Variants in C12orf42 observed in about 807,000 individuals in gnomAD.
C12orf42 encodes chromosome 12 open reading frame 42.
C12orf42 carries 25 observed loss-of-function variants against 21.6 expected under a neutral mutation model. The observed-to-expected ratio is 1.16, with a 90% CI of 0.84 to 1.62. The LOEUF (loss-of-function observed/expected upper bound fraction) is 1.62, where lower values mean the gene tolerates loss of function less well. C12orf42 is among the 40% of genes most tolerant of loss of function. The pLI is 0.00. For synonymous variants in C12orf42, 174 were observed against 175.0 expected, an observed-to-expected ratio of 0.99 and a Z score of 0.05; for missense variants, 483 against 459.3, an observed-to-expected ratio of 1.05 and a Z score of -0.47.
the C12orf42 span, among the ~76,000 whole-genome samples, chr12:103,214,558 GT>G: frequency 0.036 from 5,427 of 152,202 alleles, 113 homozygotes; most frequent in Admixed American, 0.053. Flanking sequence ...CCAACAAGCT[GT>G]GATTTTAAAA....
the C12orf42 span, among the ~76,000 whole-genome samples, chr12:103,090,019 G>C: frequency 6.6e-6 from 1 of 152,172 alleles, no homozygotes; most frequent in South Asian, 2.1e-4. Context: ...AGCCAGCAGG[G>C]CAGCTCCTGC....
intron 2 of C12orf42, among the ~76,000 whole-genome samples, chr12:103,458,197 G>A (rs1438519414): frequency 1.3e-5 from 2 of 152,114 alleles, no homozygotes; most frequent in African/African-American, 4.8e-5. Flanking sequence ...TATAGAATCT[G>A]CACTTTTTAA....
At chr12:103,260,873 T>C (rs2034864056) in intron 10 of C12orf42, among the ~76,000 whole-genome samples, 2 of 152,194 alleles carry the variant, frequency 1.3e-5, no homozygotes, top group Non-Finnish European at 2.9e-5. Flanking sequence ...TTCTAAACTC[T>C]GATTTAGGAT....
chr12:103,254,039 GAATT>G (rs1347616338), intron 10 of C12orf42, among the ~76,000 whole-genome samples: 1 of 152,166 alleles, frequency 6.6e-6, no homozygotes, highest in Non-Finnish European at 1.5e-5. Flanking sequence ...ATTTTGTCAT[GAATT>G]ATTTGCCCAT....
chr12:103,088,886 G>A, the C12orf42 span, among the ~76,000 whole-genome samples: 6 of 152,006 alleles, frequency 3.9e-5, no homozygotes, highest in Admixed American at 2.6e-4. Flanking sequence ...GCCAGATCAC[G>A]AGGTCAGGAG....
At chr12:103,195,457 T>C in the C12orf42 span, among the ~76,000 whole-genome samples, 3 of 152,126 alleles carry the variant, frequency 2.0e-5, no homozygotes, top group African/African-American at 7.2e-5. Flanking sequence ...CCAGCATCTG[T>C]TATTTTTTGA....
chr12:103,492,811 C>A (rs752698993), intron 1 of C12orf42, among the ~76,000 whole-genome samples: 3 of 152,098 alleles, frequency 2.0e-5, no homozygotes, highest in Admixed American at 1.3e-4. Flanking sequence ...AAAATTAACC[C>A]GTCGAATTAT....
At chr12:103,395,246 G>C (rs1455475790) in intron 3 of C12orf42, among the ~76,000 whole-genome samples, 1 of 152,016 alleles carries the variant, frequency 6.6e-6, no homozygotes, top group Non-Finnish European at 1.5e-5. Flanking sequence ...TAAAAAGAAT[G>C]ATGATCTCAA....
chr12:103,322,103 GC>G (rs960093483), intron 4 of C12orf42, among the ~76,000 whole-genome samples: 5 of 104,744 alleles, frequency 4.8e-5, no homozygotes, highest in African/African-American at 2.1e-4. Context: ...AGATGTGCAC[GC>G]GCGTGCGTGC....
the C12orf42 span, among the ~76,000 whole-genome samples, chr12:103,126,138 G>T: frequency 6.6e-6 from 1 of 152,202 alleles, no homozygotes; most frequent in East Asian, 1.9e-4. Flanking sequence ...GTCCCGGCTA[G>T]GGTGGCAGCA....
the C12orf42 span, among the ~76,000 whole-genome samples, chr12:103,543,980 A>G: frequency 6.8e-6 from 1 of 147,116 alleles, no homozygotes; most frequent in Non-Finnish European, 1.5e-5. Context: ...TGCAAGTTCC[A>G]CCTCCCGGGT....
Position 103,393,560 on chromosome 12 carries a change from C to A in C12orf42, c.147+8047G>T, listed in dbSNP as rs548533790. Among the ~76,000 whole-genome samples, 52 of 152,246 alleles carry A rather than the reference C, an allele frequency of 3.4e-4. 2 individuals are homozygous for A. In the South Asian group the frequency reaches 0.01, roughly 30 times the overall value. Reference sequence around the variant, plus strand: ...GCTCTTATATGACAAATATCAACAACAACACATGCTTCCGTTCCCTTATCC... The same window carrying A: ...GCTCTTATATGACAAATATCAACAAAAACACATGCTTCCGTTCCCTTATCC... On this transcript the variant is annotated intron_variant, in intron 3 of 5. Coordinates refer to ENST00000548883, the MANE Select transcript of C12orf42 (RefSeq NM_198521.5).
chr12:103,375,091 A>G (rs2138054175), intron 3 of C12orf42, among the ~76,000 whole-genome samples: 1 of 152,284 alleles, frequency 6.6e-6, no homozygotes, highest in East Asian at 1.9e-4. Flanking sequence ...CTCTCTCTCT[A>G]TTTGCACTGG....
At chr12:103,239,256 A>G (rs1234740802) in intron 10 of C12orf42, among the ~76,000 whole-genome samples, 3 of 152,194 alleles carry the variant, frequency 2.0e-5, no homozygotes, top group Non-Finnish European at 2.9e-5. Flanking sequence ...AATCATTGTC[A>G]GCATCATCAT....
At chr12:103,518,414 C>T in the C12orf42 span, among the ~76,000 whole-genome samples, 1 of 152,146 alleles carries the variant, frequency 6.6e-6, no homozygotes, top group African/African-American at 2.4e-5. Flanking sequence ...AACTCTTCTG[C>T]CAATGCCCCA....
chr12:103,203,519 G>A, the C12orf42 span, among the ~76,000 whole-genome samples: 1 of 152,042 alleles, frequency 6.6e-6, no homozygotes, highest in Non-Finnish European at 1.5e-5. Context: ...GTCCACTCTG[G>A]GTTAATTAAT....
At chr12:103,287,192 T>C (rs2036521059) in intron 4 of C12orf42, among the ~76,000 whole-genome samples, 1 of 152,196 alleles carries the variant, frequency 6.6e-6, no homozygotes, top group Non-Finnish European at 1.5e-5. Flanking sequence ...GACCCAGCCA[T>C]CCCATTACTG....
At chr12:103,213,544 G>A in the C12orf42 span, among the ~76,000 whole-genome samples, 2 of 152,170 alleles carry the variant, frequency 1.3e-5, no homozygotes, top group African/African-American at 4.8e-5. Flanking sequence ...GCATAGCAAA[G>A]CATATGTCCT....
chr12:103,474,956 G>C (rs1056691906), intron 2 of C12orf42, among the ~76,000 whole-genome samples: 5 of 152,146 alleles, frequency 3.3e-5, no homozygotes, highest in African/African-American at 7.2e-5. Flanking sequence ...CCAAAGTTAG[G>C]CTTCTCTCCT....
Sources: gnomAD v4.1 joint callset for allele counts (sites outside exome capture counted in the v4.1 genomes callset) on GRCh38, gnomAD v4.1.1 for gene constraint, MANE v1.5 for transcripts, NCBI Gene and HGNC (gene_info 2026-07-23, HGNC 2026-07-21) for gene names.